Variants in KIAA1217 observed in about 807,000 individuals in gnomAD.
KIAA1217 encodes sickle tail protein homolog.
KIAA1217 carries 88 observed loss-of-function variants against 163.9 expected under a neutral mutation model. The observed-to-expected ratio is 0.54, with a 90% CI of 0.45 to 0.64. The LOEUF (loss-of-function observed/expected upper bound fraction) is 0.64. Ranked by LOEUF, KIAA1217 falls within the 30% of genes least tolerant of loss-of-function variation. The pLI is 0.00. For missense variants in KIAA1217, 2,372 were observed against 2,475.0 expected, an observed-to-expected ratio of 0.96 and a Z score of 0.88; for synonymous variants, 903 against 923.1, an observed-to-expected ratio of 0.98 and a Z score of 0.39.
At chr10:24,036,164 G>T (rs1848390047) in intron 2 of KIAA1217, among the ~76,000 whole-genome samples, 1 of 152,200 alleles carries the variant, frequency 6.6e-6, no homozygotes, top group South Asian at 2.1e-4. Flanking sequence ...AGCTCAGGCA[G>T]TTACAAAAGC....
At chr10:24,079,192 G>A (rs761859861) in intron 2 of KIAA1217, among the ~76,000 whole-genome samples, 4 of 152,168 alleles carry the variant, frequency 2.6e-5, no homozygotes, top group South Asian at 2.1e-4. Flanking sequence ...TATGGGAAAA[G>A]ACAACTATGA....
intron 2 of KIAA1217, among the ~76,000 whole-genome samples, chr10:24,320,603 C>A (rs1300809562): frequency 1.3e-5 from 2 of 152,202 alleles, no homozygotes; most frequent in Non-Finnish European, 2.9e-5. Context: ...ATAATCAGCA[C>A]TTCCTGTTGG....
chr10:23,804,575 G>A (rs1454057702), intron 1 of KIAA1217, among the ~76,000 whole-genome samples: 4 of 152,110 alleles, frequency 2.6e-5, no homozygotes, highest in African/African-American at 4.8e-5. Context: ...ATGAACATAG[G>A]TCTTGTCCTT....
At chr10:23,807,668 C>A (rs1836807578) in intron 1 of KIAA1217, among the ~76,000 whole-genome samples, 1 of 152,158 alleles carries the variant, frequency 6.6e-6, no homozygotes, top group South Asian at 2.1e-4. Context: ...AACAACTTCC[C>A]AGCCTTTCAC....
intron 2 of KIAA1217, among the ~76,000 whole-genome samples, chr10:24,040,447 A>C (rs1848583745): frequency 6.6e-6 from 1 of 152,256 alleles, no homozygotes; most frequent in Non-Finnish European, 1.5e-5. Context: ...AAGAAGCATG[A>C]GAAAGCAATT....
intron 1 of KIAA1217, among the ~76,000 whole-genome samples, chr10:23,846,319 G>T (rs768913008): frequency 2.0e-5 from 3 of 152,036 alleles, no homozygotes; most frequent in African/African-American, 4.8e-5. Flanking sequence ...AAATTACTTC[G>T]AGCACTATGG....
Position 24,542,957 on chromosome 10 carries a change from A to G in KIAA1217, c.3687A>G (p.Ala1229=). 1 of 1,612,768 alleles carries G rather than the reference A, an allele frequency of 6.2e-7. No homozygotes were observed. The highest frequency in any genetic ancestry group is 8.5e-7 in the Non-Finnish European group (1 of 1,178,742). The change falls in exon 19 of 21, where the codon GCA becomes GCG. Residue 1229 remains alanine, a synonymous_variant. Coordinates refer to ENST00000376454, the MANE Select transcript of KIAA1217 (RefSeq NM_019590.5). The part of the protein sequence containing the change: ...ERGMENSISD[A]SRTSEYKTEI... ...GAATGGAGAATAGTATTTCTGATGC[A>G]TCAAGAACATCAGAATATAAAACTG...
At chr10:24,152,160 T>C (rs543524295) in intron 2 of KIAA1217, among the ~76,000 whole-genome samples, 1 of 152,312 alleles carries the variant, frequency 6.6e-6, no homozygotes, top group Admixed American at 6.5e-5. Flanking sequence ...CCTCTCTCTT[T>C]TTCTGTAGCT....
intron 9 of KIAA1217, among the ~76,000 whole-genome samples, chr10:24,510,809 G>A (rs2069009442): frequency 6.6e-6 from 1 of 152,162 alleles, no homozygotes; most frequent in African/African-American, 2.4e-5. Context: ...ACAAGGCACA[G>A]GAGAGCTGAT....
At chr10:24,301,887 A>G (rs2041390857) in intron 2 of KIAA1217, among the ~76,000 whole-genome samples, 1 of 152,002 alleles carries the variant, frequency 6.6e-6, no homozygotes, top group Admixed American at 6.6e-5. Context: ...TCTACGAAAA[A>G]TACAAAAATT....
At chr10:24,059,802 C>T (rs1158239041) in intron 2 of KIAA1217, among the ~76,000 whole-genome samples, 2 of 152,130 alleles carry the variant, frequency 1.3e-5, no homozygotes, top group African/African-American at 2.4e-5. Context: ...CCTGACCTCA[C>T]GATCCGCCCA....
chr10:23,781,042 G>A (rs1284937755), intron 1 of KIAA1217, among the ~76,000 whole-genome samples: 4 of 152,074 alleles, frequency 2.6e-5, no homozygotes, highest in South Asian at 2.1e-4. Flanking sequence ...TATCTTGGCC[G>A]TTGTTGAGTA....
chr10:24,388,695 A>G (rs2054385348), intron 3 of KIAA1217, among the ~76,000 whole-genome samples: 1 of 148,550 alleles, frequency 6.7e-6, no homozygotes, highest in Non-Finnish European at 1.5e-5. Flanking sequence ...TCTACAAAGA[A>G]CTTAAACAAA....
intron 2 of KIAA1217, among the ~76,000 whole-genome samples, chr10:24,019,122 T>C (rs1847621630): frequency 1.3e-5 from 2 of 152,074 alleles, no homozygotes; most frequent in Admixed American, 1.3e-4. Flanking sequence ...TGGAGATTTG[T>C]TGTACAGCAT....
At chr10:23,742,326 T>C (rs542789143) in intron 1 of KIAA1217, among the ~76,000 whole-genome samples, 1 of 152,288 alleles carries the variant, frequency 6.6e-6, no homozygotes, top group African/African-American at 2.4e-5. Flanking sequence ...TTGGAAATCA[T>C]AGGCATGATT....
At chr10:24,021,768 A>AT (rs1318308866) in intron 2 of KIAA1217, among the ~76,000 whole-genome samples, 2 of 151,896 alleles carry the variant, frequency 1.3e-5, no homozygotes, top group Non-Finnish European at 2.9e-5. Context: ...TAGACAGTGG[A>AT]ACAGAATGAA....
At chr10:23,951,970 C>A (rs919902316) in intron 1 of KIAA1217, among the ~76,000 whole-genome samples, 1 of 152,134 alleles carries the variant, frequency 6.6e-6, no homozygotes, top group Non-Finnish European at 1.5e-5. Flanking sequence ...CTCCAGAGAT[C>A]CATTGTGTGG....
chr10:23,755,699 A>G (rs78346940), intron 1 of KIAA1217, among the ~76,000 whole-genome samples: 1,700 of 152,278 alleles, frequency 0.011, 30 homozygotes, highest in African/African-American at 0.039. Context: ...AGAAATGTCA[A>G]TAGTCAAAAT....
At chr10:24,243,756 T>C (rs1008543176) in intron 2 of KIAA1217, among the ~76,000 whole-genome samples, 1 of 151,940 alleles carries the variant, frequency 6.6e-6, no homozygotes, top group Non-Finnish European at 1.5e-5. Context: ...TATATACACA[T>C]CTATGAATGT....
Sources: gnomAD v4.1 joint callset for allele counts (sites outside exome capture counted in the v4.1 genomes callset) on GRCh38, gnomAD v4.1.1 for gene constraint, MANE v1.5 for transcripts, NCBI Gene and HGNC (gene_info 2026-07-23, HGNC 2026-07-21) for gene names.